The following CHSY3 variants were observed in gnomAD, a reference collection of about 807,000 sequenced individuals.
CHSY3 encodes the protein chondroitin sulfate synthase 3.
In CHSY3, 35 loss-of-function variants were observed where a neutral mutation model predicts 67.2. That is an observed-to-expected ratio of 0.52 (90% CI 0.40 to 0.69). The LOEUF (loss-of-function observed/expected upper bound fraction) is 0.69, where lower values mean the gene tolerates loss of function less well. CHSY3 is among the 30% of genes least tolerant of loss of function. The pLI, the probability that CHSY3 is intolerant of heterozygous loss-of-function variation, is 0.00. For missense variants in CHSY3, 1,069 were observed against 1,138.5 expected (o/e 0.94, Z 0.88); for synonymous variants, 474 against 434.7 (o/e 1.09, Z -1.12).
intron 2 of CHSY3, among the ~76,000 whole-genome samples, chr5:130,063,856 G>A (rs1334184194): frequency 6.6e-6 from 1 of 152,082 alleles, no homozygotes; most frequent in Non-Finnish European, 1.5e-5. Context: ...CATTCACATG[G>A]AGAGAAGCCC....
At chr5:130,005,126 T>TAATC (rs1382311254) in intron 2 of CHSY3, among the ~76,000 whole-genome samples, 5 of 152,192 alleles carry the variant, frequency 3.3e-5, no homozygotes, top group African/African-American at 1.2e-4. Flanking sequence ...AGAAATCAGC[T>TAATC]AATCAGCTGA....
At chr5:130,073,318 C>T (rs978464445) in intron 2 of CHSY3, among the ~76,000 whole-genome samples, 1 of 149,708 alleles carries the variant, frequency 6.7e-6, no homozygotes, top group African/African-American at 2.5e-5. Context: ...GACAGAGTTT[C>T]ACTCTGTCAC....
chr5:129,953,307 A>G (rs1254826684), intron 2 of CHSY3, among the ~76,000 whole-genome samples: 1 of 151,946 alleles, frequency 6.6e-6, no homozygotes, highest in African/African-American at 2.4e-5. Context: ...AACGACATGA[A>G]CTCATCCTTT....
At chr5:130,109,709 A>C (rs1052933312) in intron 2 of CHSY3, among the ~76,000 whole-genome samples, 1 of 151,604 alleles carries the variant, frequency 6.6e-6, no homozygotes, top group African/African-American at 2.4e-5. Context: ...TTTTAAGTGC[A>C]TATTTACTAC....
At chr5:130,057,100 A>AT (rs1411063294) in intron 2 of CHSY3, among the ~76,000 whole-genome samples, 1 of 150,314 alleles carries the variant, frequency 6.7e-6, no homozygotes, top group Non-Finnish European at 1.5e-5. Context: ...ATTTTTTTGT[A>AT]TTTTTAGTAG....
intron 2 of CHSY3, among the ~76,000 whole-genome samples, chr5:130,163,944 G>A (rs1561565695): frequency 6.6e-6 from 1 of 152,192 alleles, no homozygotes; most frequent in Non-Finnish European, 1.5e-5. Flanking sequence ...GTAGCATTCA[G>A]ATTAACAGAG....
chr5:130,161,394 T>C (rs1273880129), intron 2 of CHSY3, among the ~76,000 whole-genome samples: 1 of 152,236 alleles, frequency 6.6e-6, no homozygotes. Context: ...ATAAATTGGA[T>C]GTCCTTCTTT....
At chr5:130,157,714 A>G (rs1356285887) in intron 2 of CHSY3, among the ~76,000 whole-genome samples, 1 of 152,000 alleles carries the variant, frequency 6.6e-6, no homozygotes, top group Non-Finnish European at 1.5e-5. Flanking sequence ...AGGTGAATCC[A>G]TAGGGTAAAG....
chr5:130,001,995 A>G lies in CHSY3; in HGVS notation c.1086+93635A>G, dbSNP rs1358900388. Reference sequence around the variant, plus strand: ...GCTACAATAAGCCAATGCTTATAGTAACTTAGAGCTACTCTCTAAGTCCTT... The same window carrying G: ...GCTACAATAAGCCAATGCTTATAGTGACTTAGAGCTACTCTCTAAGTCCTT... On this transcript the variant is annotated intron_variant, in intron 2 of 2. Coordinates refer to ENST00000305031, the MANE Select transcript of CHSY3 (RefSeq NM_175856.5). 3.4e-6 allele frequency: 3 copies of G among 871,012 alleles called. No homozygotes were observed. In the African/African-American group the frequency reaches 5.5e-5, roughly 16 times the overall value. 54.0% of individuals were successfully genotyped at this position (871,012 alleles called of 1,614,324 possible).
intron 2 of CHSY3, among the ~76,000 whole-genome samples, chr5:129,983,979 G>A (rs1015639968): frequency 2.6e-5 from 4 of 151,990 alleles, no homozygotes; most frequent in Admixed American, 6.6e-5. Context: ...TAGGAAACAA[G>A]GAGTGTTATC....
chr5:130,092,831 A>C (rs1766923748), intron 2 of CHSY3, among the ~76,000 whole-genome samples: 1 of 152,182 alleles, frequency 6.6e-6, no homozygotes, highest in Non-Finnish European at 1.5e-5. Context: ...AAGAAATGGA[A>C]CCATGTGTAG....
At chr5:130,036,478 T>C (rs550435516) in intron 2 of CHSY3, among the ~76,000 whole-genome samples, 3 of 152,152 alleles carry the variant, frequency 2.0e-5, no homozygotes. Context: ...GTAAATGCTC[T>C]CCCTTTTAAA....
chr5:130,140,370 A>G, intron 2 of CHSY3: 1 of 623,148 alleles, frequency 1.6e-6, no homozygotes, highest in Non-Finnish European at 2.8e-6. Flanking sequence ...GCTTCTATCC[A>G]GAGGAAGTGT....
chr5:130,086,594 C>T (rs1213070289), intron 2 of CHSY3, among the ~76,000 whole-genome samples: 4 of 152,064 alleles, frequency 2.6e-5, no homozygotes, highest in Non-Finnish European at 4.4e-5. Context: ...AACACCTCTA[C>T]GCAAATAAAC....
intron 2 of CHSY3, among the ~76,000 whole-genome samples, chr5:130,128,645 C>T (rs1768378021): frequency 6.6e-6 from 1 of 152,016 alleles, no homozygotes; most frequent in East Asian, 1.9e-4. Flanking sequence ...GCTAAGAGTA[C>T]ATCTTATAGT....
At chr5:130,138,009 G>A (rs1243197852) in intron 2 of CHSY3, among the ~76,000 whole-genome samples, 1 of 151,550 alleles carries the variant, frequency 6.6e-6, no homozygotes, top group Non-Finnish European at 1.5e-5. Flanking sequence ...AAGAAGGAAG[G>A]AAAAGAGGAG....
chr5:130,049,486 T>C (rs762774697), intron 2 of CHSY3, among the ~76,000 whole-genome samples: 72 of 152,200 alleles, frequency 4.7e-4, no homozygotes, highest in Non-Finnish European at 1.0e-3. Flanking sequence ...CTGTTACTTA[T>C]TGCCCACCAT....
chr5:130,141,525 T>C (rs1768865089), intron 2 of CHSY3: 1 of 387,794 alleles, frequency 2.6e-6, no homozygotes, highest in Admixed American at 3.0e-5. Flanking sequence ...ACAAAGTTAT[T>C]ATCACTAATG....
At chr5:130,007,826 C>T (rs917609017) in intron 2 of CHSY3, among the ~76,000 whole-genome samples, 1 of 152,052 alleles carries the variant, frequency 6.6e-6, no homozygotes, top group African/African-American at 2.4e-5. Flanking sequence ...TGGGATTGGG[C>T]CAATCTAATC....
Sources: allele counts gnomAD v4.1 joint callset (sites outside exome capture counted in the v4.1 genomes callset), GRCh38; gene constraint gnomAD v4.1.1; transcripts MANE v1.5; gene names NCBI Gene and HGNC (gene_info 2026-07-23, HGNC 2026-07-21).